SRGAP3: variants seen among roughly 807,000 people sequenced by gnomAD.
SRGAP3 encodes SLIT-ROBO Rho GTPase-activating protein 3.
A neutral mutation model predicts 121.1 loss-of-function variants in SRGAP3; 39 were observed. The ratio of observed to expected loss-of-function variants is 0.32; its 90% CI spans 0.25 to 0.42. SRGAP3 has a LOEUF of 0.42. Ranked by LOEUF, SRGAP3 falls within the 10% of genes least tolerant of loss-of-function variation. SRGAP3 has a pLI of 1.00. For missense variants in SRGAP3, 1,213 were observed against 1,470.6 expected (o/e 0.82, Z 2.86); for synonymous variants, 601 against 570.0 (o/e 1.05, Z -0.77).
intron 7 of SRGAP3, among the ~76,000 whole-genome samples, chr3:9,057,960 G>A (rs1945909092): frequency 1.3e-5 from 2 of 152,300 alleles, no homozygotes; most frequent in South Asian, 4.2e-4. Flanking sequence ...CACATGTGGG[G>A]TTAGAACATG....
chr3:9,302,995 G>A (rs916814569), intron 3 of SRGAP3, among the ~76,000 whole-genome samples: 7 of 152,140 alleles, frequency 4.6e-5, no homozygotes, highest in Admixed American at 3.3e-4. Flanking sequence ...ATAAACCAAT[G>A]TAGATGATAA....
At chr3:9,301,430 T>C (rs924546475) in intron 3 of SRGAP3, among the ~76,000 whole-genome samples, 1 of 152,222 alleles carries the variant, frequency 6.6e-6, no homozygotes, top group African/African-American at 2.4e-5. Flanking sequence ...CATGGCTAAC[T>C]TAGCTTTAAT....
At chr3:9,149,805 C>T (rs1950152932) in intron 1 of SRGAP3, among the ~76,000 whole-genome samples, 1 of 152,218 alleles carries the variant, frequency 6.6e-6, no homozygotes, top group Non-Finnish European at 1.5e-5. Flanking sequence ...ACTGATGTCA[C>T]CAAGGTGATA....
intron 1 of SRGAP3, among the ~76,000 whole-genome samples, chr3:9,226,731 C>T (rs1952999656): frequency 6.6e-6 from 1 of 152,152 alleles, no homozygotes; most frequent in African/African-American, 2.4e-5. Flanking sequence ...TTTCAGCCCA[C>T]CTACATGGGG....
chr3:9,097,032 C>T (rs1166296577), intron 3 of SRGAP3, among the ~76,000 whole-genome samples: 1 of 141,536 alleles, frequency 7.1e-6, no homozygotes, highest in Non-Finnish European at 1.5e-5. Context: ...TCTCTATTGT[C>T]CAGGCTGGAG....
At chr3:9,089,472 G>GA (rs1947651955) in intron 3 of SRGAP3, among the ~76,000 whole-genome samples, 1 of 143,592 alleles carries the variant, frequency 7.0e-6, no homozygotes, top group South Asian at 2.1e-4. Flanking sequence ...GACACACAGT[G>GA]AAAAAAAGTC....
At chr3:9,124,601 G>C in intron 2 of SRGAP3, 124 bp downstream of exon 2, 2 of 1,253,426 alleles carry the variant, frequency 1.6e-6, no homozygotes, top group Non-Finnish European at 1.1e-6. Flanking sequence ...TGCAGAGCCA[G>C]GGCCCTGAAG....
chr3:9,142,860 CA>C (rs1949905888), intron 1 of SRGAP3, among the ~76,000 whole-genome samples: 2 of 33,496 alleles, frequency 6.0e-5, no homozygotes, highest in Non-Finnish European at 1.2e-4. Flanking sequence ...TTTGATAAGA[CA>C]GGGTCTCTCT....
At chr3:9,331,505 A>G (rs1244564408) in intron 1 of SRGAP3, among the ~76,000 whole-genome samples, 1 of 152,172 alleles carries the variant, frequency 6.6e-6, no homozygotes, top group East Asian at 1.9e-4. Flanking sequence ...AAACCCAGAT[A>G]TGACCACCCA....
intron 1 of SRGAP3, among the ~76,000 whole-genome samples, chr3:9,202,495 T>A (rs1190481469): frequency 6.6e-6 from 1 of 152,198 alleles, no homozygotes; most frequent in Non-Finnish European, 1.5e-5. Context: ...ACCACTCTGA[T>A]GTTCACTAGC....
intron 3 of SRGAP3, among the ~76,000 whole-genome samples, chr3:9,323,134 C>T (rs939926328): frequency 4.0e-5 from 6 of 151,752 alleles, no homozygotes; most frequent in African/African-American, 1.4e-4. Flanking sequence ...AAGAAAACTA[C>T]TGTGGTGGAA....
rs745958569 is a variant in SRGAP3 at position 9,064,353 on chromosome 3, G to A, written c.672+43C>T. 4.3e-6 allele frequency: 7 copies of A among 1,613,082 alleles called. No individual in the cohort carries two copies. In the Admixed American group the frequency reaches 1.0e-4, roughly 23 times the overall value. On this transcript the variant is annotated intron_variant, in intron 5 of 21. Transcript: ENST00000383836. Reference sequence around the variant, plus strand: ...CGCCAAGACCATGGCCCTCCCCTTTGTGCCCTGTCCCCAATCGCTCCCAGC... The same window carrying A: ...CGCCAAGACCATGGCCCTCCCCTTTATGCCCTGTCCCCAATCGCTCCCAGC...
chr3:9,077,956 C>A (rs1022803699), intron 4 of SRGAP3, among the ~76,000 whole-genome samples: 2 of 152,174 alleles, frequency 1.3e-5, no homozygotes, highest in Non-Finnish European at 2.9e-5. Flanking sequence ...TGTTTCTCAG[C>A]CAAGACCTGA....
chr3:9,185,386 G>C (rs945860015), intron 1 of SRGAP3, among the ~76,000 whole-genome samples: 4 of 152,198 alleles, frequency 2.6e-5, no homozygotes, highest in Non-Finnish European at 5.9e-5. Flanking sequence ...GACTGGAGTG[G>C]TCAAAGAGGG....
chr3:9,006,398 CAAAAAAAAAAA>C (rs71049762), intron 18 of SRGAP3, among the ~76,000 whole-genome samples: 1 of 123,016 alleles, frequency 8.1e-6, no homozygotes, highest in Non-Finnish European at 1.7e-5. Flanking sequence ...GACTCTGTCT[CAAAAAAAAAAA>C]AAAAAGAAAA....
intron 1 of SRGAP3, among the ~76,000 whole-genome samples, chr3:9,139,986 G>C (rs997917255): frequency 6.6e-6 from 1 of 152,164 alleles, no homozygotes; most frequent in Admixed American, 6.5e-5. Context: ...AGGGCAGCAA[G>C]AGTGATAAAA....
chr3:9,104,557 T>C (rs983849970), intron 3 of SRGAP3, 123 bp downstream of exon 3: 98 of 1,323,476 alleles, frequency 7.4e-5, no homozygotes, highest in Non-Finnish European at 9.9e-5. Flanking sequence ...CTTGCATCCT[T>C]CAATGCACCT....
chr3:9,213,962 T>C (rs1427671634), intron 1 of SRGAP3, among the ~76,000 whole-genome samples: 4 of 152,222 alleles, frequency 2.6e-5, no homozygotes, highest in African/African-American at 9.7e-5. Flanking sequence ...CGTTTCCTGA[T>C]TTCTCATCAG....
intron 11 of SRGAP3, chr3:9,036,257 C>T (rs1291701988): frequency 6.6e-6 from 1 of 152,190 alleles, no homozygotes; most frequent in Non-Finnish European, 1.5e-5. Flanking sequence ...ATGATATCCA[C>T]CTCGTGTGGG....
Sources: gnomAD v4.1 joint callset for allele counts (sites outside exome capture counted in the v4.1 genomes callset) on GRCh38, gnomAD v4.1.1 for gene constraint, MANE v1.5 for transcripts, NCBI Gene and HGNC (gene_info 2026-07-23, HGNC 2026-07-21) for gene names.